The following EIF2B2 variants were observed in gnomAD, a reference collection of about 807,000 sequenced individuals.
The protein encoded by EIF2B2 is translation initiation factor eIF2B subunit beta.
EIF2B2 carries 34 observed loss-of-function variants against 34.7 expected under a neutral mutation model. That is an observed-to-expected ratio of 0.98 (90% CI 0.75 to 1.31). The LOEUF (loss-of-function observed/expected upper bound fraction) is 1.31. Ranked by LOEUF, EIF2B2 falls within the 50% of genes most tolerant of loss-of-function variation. The pLI is 0.00. For missense variants in EIF2B2, 361 were observed against 447.7 expected (o/e 0.81, Z 1.75); for synonymous variants, 155 against 171.6 (o/e 0.90, Z 0.76).
intron 6 of EIF2B2, chr14:75,007,369 CCT>C (rs1353231148): frequency 8.7e-6 from 3 of 345,918 alleles, no homozygotes; most frequent in Non-Finnish European, 1.7e-5. Context: ...CCAATCTGCT[CCT>C]GTCTCTATGG....
chr14:75,004,948 A>T, intron 4 of EIF2B2, 48 bp downstream of exon 4: 2 of 1,600,158 alleles, frequency 1.2e-6, no homozygotes, highest in Non-Finnish European at 1.7e-6. Flanking sequence ...AAAATGAAGA[A>T]GAAATAAACG....
chr14:75,009,595 T>A lies in EIF2B2; in HGVS notation c.*407T>A. 1 of 299,944 alleles carries A rather than the reference T, an allele frequency of 3.3e-6. No homozygotes were observed. 18.6% of individuals were successfully genotyped at this position (299,944 alleles called of 1,614,324 possible). ...TAAAAGCCACTTGAAGGTTCCATAG[T>A]TGGTTTATTTATTGTCCTACTCTGA... On this transcript the variant is annotated 3_prime_UTR_variant, in exon 8 of 8. Coordinates refer to ENST00000266126, the MANE Select transcript of EIF2B2 (RefSeq NM_014239.4).
At chr14:75,008,969 GC>G in intron 7 of EIF2B2, 61 bp from the exon 8 acceptor site, 1 of 1,608,988 alleles carries the variant, frequency 6.2e-7, no homozygotes, top group Non-Finnish European at 8.5e-7. Context: ...GAATCTATAT[GC>G]TACTTAATTA....
chr14:75,010,325 A>T lies in EIF2B2; in HGVS notation c.*1137A>T, dbSNP rs1889688032. 6.6e-6 allele frequency: 1 copy of T among 152,140 alleles called. No homozygotes were observed. The highest frequency in any genetic ancestry group is 6.5e-5 in the Admixed American group (1 of 15,282). 9.4% of individuals were successfully genotyped at this position (152,140 alleles called of 1,614,324 possible). A position where few individuals can be genotyped will look rare whatever the true frequency, so the allele number is the denominator to read the frequency against. ...AAGCTGTATTTCTAGAATTATTTGT[A>T]CAAGCAAAAAGATTTATACAGAGTG... On this transcript the variant is annotated 3_prime_UTR_variant, in exon 8 of 8. Transcript: ENST00000266126.
chr14:75,007,308 C>T, intron 6 of EIF2B2: 1 of 355,194 alleles, frequency 2.8e-6, no homozygotes, highest in Non-Finnish European at 5.4e-6. Flanking sequence ...TAGAAAAACA[C>T]CCTGTACCCA....
chr14:75,003,398 C>A lies in EIF2B2; in HGVS notation c.284+3C>A. ...ATTATCCGGGAGGAGTATGGCAGGT[C>A]AGGCTCACGTCCTGGGCTCCTGGTT... On this transcript the variant is annotated splice_donor_region_variant and intron_variant, in intron 2 of 7. Transcript: ENST00000266126. 1 of 1,613,432 alleles carries A rather than the reference C, an allele frequency of 6.2e-7. No individual in the cohort carries two copies. Among genetic ancestry groups the A allele is most frequent in the South Asian group, 1.1e-5 (1 of 91,052 alleles).
intron 3 of EIF2B2, 156 bp from the exon 4 acceptor site, chr14:75,004,581 C>T (rs1889590192): frequency 8.8e-6 from 2 of 228,554 alleles, no homozygotes; most frequent in African/African-American, 4.8e-5. Context: ...CCTGTGGTAC[C>T]AGGGTCTGCT....
At position 75,006,064 on chromosome 14, in the gene EIF2B2, A is replaced by T; in HGVS notation, c.693+103A>T. On this transcript the variant is annotated intron_variant, in intron 5 of 7. Coordinates refer to ENST00000266126, the MANE Select transcript of EIF2B2 (RefSeq NM_014239.4). The surrounding 1 kb of genome is among the most constrained non-coding windows in gnomAD (Gnocchi z 4.1). ...TCCACGGTGAGAGAATAAAGTTTCT[A>T]GCACCTTTCAAAGTACATACTTAGG... 1 of 984,910 alleles carries T rather than the reference A, an allele frequency of 1.0e-6. No individual in the cohort carries two copies. The highest frequency in any genetic ancestry group is 1.3e-5 in the South Asian group (1 of 78,232). The allele number at this position is 984,910 out of a possible 1,614,324, so 61.0% of individuals were successfully genotyped here.
rs759914845 is a variant in EIF2B2, at chr14:75,009,092, C to T, written c.960C>T (p.Leu320=). ...TGTTTGACTACGTTCCCCCAGAGCT[C>T]ATTACCCTCTTTATCTCCAACATTG... ...CPVFDYVPPE[L]ITLFISNIGG... Residue 320 remains leucine (L), a synonymous_variant, in exon 8 of 8, where the codon CTC becomes CTT. Coordinates refer to ENST00000266126, the MANE Select transcript of EIF2B2 (RefSeq NM_014239.4). The T allele has an allele frequency of 1.5e-5, 24 of 1,614,026 alleles. No individual in the cohort carries two copies. The highest frequency in any genetic ancestry group is 1.2e-4 in the Admixed American group (7 of 59,994).
At position 75,005,958 on chromosome 14, in the gene EIF2B2, C is replaced by T. The variant is rs1366941798; in HGVS notation, c.690C>T (p.Asn230=). 28 of 1,611,600 alleles carry T rather than the reference C, an allele frequency of 1.7e-5. No homozygotes were observed. The highest frequency in any genetic ancestry group is 2.3e-5 in the Non-Finnish European group (27 of 1,177,908). Residue 230 remains asparagine, a synonymous_variant, in exon 5 of 8, where the codon AAC becomes AAT. Transcript: ENST00000266126. ...TTTTTGCCGTTATGTCAAGAGTCAA[C>T]AAGGTGGGTATATCTGGAGTTATGT... is the stretch of plus-strand genomic sequence containing the variant. ...AAIFAVMSRV[N]KVIIGTKTIL...
chr14:75,006,721 G>A lies in EIF2B2; in HGVS notation c.831+7G>A. ...GTTCAAACTTTCTCCACAGGTAAGT[G>A]TGTCTGTCTCTAGCTAGAAGCCAGC... is the stretch of plus-strand genomic sequence containing the variant. On this transcript the variant is annotated splice_region_variant and intron_variant, in intron 6 of 7. Transcript: ENST00000266126. The surrounding 1 kb of genome is among the most constrained non-coding windows in gnomAD (Gnocchi z 4.1). 1 of 1,614,120 alleles carries A rather than the reference G, an allele frequency of 6.2e-7. No homozygotes were observed. The highest frequency in any genetic ancestry group is 8.5e-7 in the Non-Finnish European group (1 of 1,180,034).
Position 75,003,528 on chromosome 14 carries a change from T to A in EIF2B2, c.285-23T>A, listed in dbSNP as rs373932168. 3.7e-6 allele frequency: 6 copies of A among 1,614,036 alleles called. No homozygotes were observed. The African/African-American group carries it at 8.0e-5, about 22-fold the overall frequency. On this transcript the variant is annotated intron_variant, in intron 2 of 7. Coordinates refer to ENST00000266126, the MANE Select transcript of EIF2B2 (RefSeq NM_014239.4). Reference sequence around the variant, plus strand: ...CTGACCACTCCTCCCCACCTCTCTCTTTGGGTCTTGTTGCCTCTATAGACT... The same window carrying A: ...CTGACCACTCCTCCCCACCTCTCTCATTGGGTCTTGTTGCCTCTATAGACT...
rs1052846557 is a variant in EIF2B2 at position 75,010,230 on chromosome 14, C to T, written c.*1042C>T. 6.6e-6 allele frequency: 1 copy of T among 152,100 alleles called. No homozygotes were observed. The highest frequency in any genetic ancestry group is 1.5e-5 in the Non-Finnish European group (1 of 68,044). 9.4% of individuals were successfully genotyped at this position (152,100 alleles called of 1,614,324 possible). ...ACCTGGGAATCTGTTTAAAGCTTCC[C>T]AGAAAAGGATAGTCTCATGTAGTGT... On this transcript the variant is annotated 3_prime_UTR_variant, in exon 8 of 8. Coordinates refer to ENST00000266126, the MANE Select transcript of EIF2B2 (RefSeq NM_014239.4).
chr14:75,005,182 G>A, intron 4 of EIF2B2: 1 of 372,572 alleles, frequency 2.7e-6, no homozygotes, highest in Non-Finnish European at 5.2e-6. Flanking sequence ...TTCGAGAGCA[G>A]CCTGGCCAAC....
chr14:75,005,055 C>G (rs1355068189), intron 4 of EIF2B2, 155 bp downstream of exon 4: 4 of 817,392 alleles, frequency 4.9e-6, no homozygotes, highest in Non-Finnish European at 7.9e-6. Context: ...TCAAGGTGTT[C>G]GTCCTGTGAA....
chr14:75,005,282 CAGG>C (rs1889610823), intron 4 of EIF2B2, among the ~76,000 whole-genome samples: 1 of 151,500 alleles, frequency 6.6e-6, no homozygotes, highest in Admixed American at 6.6e-5. Flanking sequence ...GAGGGTGAGG[CAGG>C]AGAATTGCTT....
chr14:75,004,889 C>T lies in EIF2B2; in HGVS notation c.586C>T (p.Pro196Ser), dbSNP rs113994011. The change falls in exon 4 of 8, where the codon CCT (proline) becomes TCT (serine). Residue 196 changes from proline to serine, a missense_variant. Physicochemically the swap from Pro to Ser is moderately conservative, Grantham distance 74. Transcript: ENST00000266126. ...CCATGTCATTGTAGCAGAGTGTGCT[C>T]CTTTCTGCCAGGTAAGGAGACTGCT... is the stretch of plus-strand genomic sequence containing the variant. ...KFHVIVAECA[P>S]FCQGHEMAVN... is the part of the protein sequence containing the mutation. 1.6e-5 allele frequency: 26 copies of T among 1,610,916 alleles called. No individual in the cohort carries two copies. Among genetic ancestry groups the T allele is most frequent in the Non-Finnish European group, 2.1e-5 (25 of 1,178,732 alleles).
Position 75,003,311 on chromosome 14 carries a change from G to A in EIF2B2, c.200G>A (p.Arg67Lys), listed in dbSNP as rs1478356127. The A allele has an allele frequency of 6.2e-7, 1 of 1,613,978 alleles. No homozygotes were observed. The highest frequency in any genetic ancestry group is 8.5e-7 in the Non-Finnish European group (1 of 1,180,004). Residue 67 changes from arginine (R) to lysine (K), a missense_variant, in exon 2 of 8, where the codon AGG becomes AAG. Arg to Lys is a conservative substitution (Grantham distance 26). Transcript: ENST00000266126. ...LMELIRREGR[R>K]MTAAQPSETT... ...GAGCTGATCCGCAGAGAGGGCAGGA[G>A]GATGACGGCCGCTCAGCCCTCCGAG...
At chr14:75,007,284 CTT>C in intron 6 of EIF2B2, 1 of 358,702 alleles carries the variant, frequency 2.8e-6, no homozygotes, top group Non-Finnish European at 5.4e-6. Context: ...AGTTTCAAAA[CTT>C]TTTCTCCACT....
Sources: allele counts gnomAD v4.1 joint callset (sites outside exome capture counted in the v4.1 genomes callset), GRCh38; gene constraint gnomAD v4.1.1; non-coding constraint Gnocchi (gnomAD v3.1); transcripts MANE v1.5; gene names NCBI Gene and HGNC (gene_info 2026-07-23, HGNC 2026-07-21).